Variants in AQP7 observed in about 807,000 individuals in gnomAD.
AQP7 encodes aquaporin-7.
Under a neutral mutation model 26.1 loss-of-function variants are expected in AQP7, and 22 were observed. That is an observed-to-expected ratio of 0.84 (90% CI 0.60 to 1.20). The LOEUF is 1.20. Among genes scored for constraint, AQP7 ranks in the 50% most tolerant of loss-of-function variants. The probability of loss-of-function intolerance (pLI) is 0.00; values close to 1 mark genes in which losing one functional copy is unlikely to be tolerated. For synonymous variants in AQP7, 167 were observed against 181.7 expected, an observed-to-expected ratio of 0.92 and a Z score of 0.65; for missense variants, 412 against 457.5, an observed-to-expected ratio of 0.90 and a Z score of 0.91.
intron 3 of AQP7, among the ~76,000 whole-genome samples, chr9:33,390,450 C>T (rs571803491): frequency 5.9e-4 from 89 of 150,636 alleles, no homozygotes; most frequent in Middle Eastern, 3.4e-3. Flanking sequence ...TGTCAAGCAG[C>T]AGATCAAGCC....
At chr9:33,392,042 G>A (rs553903969) in intron 3 of AQP7, among the ~76,000 whole-genome samples, 8 of 152,132 alleles carry the variant, frequency 5.3e-5, no homozygotes, top group East Asian at 1.9e-4. Flanking sequence ...GGCCGGGCAC[G>A]GTGACTCATG....
At chr9:33,399,236 C>A (rs561150226) in intron 2 of AQP7, among the ~76,000 whole-genome samples, 30 of 152,264 alleles carry the variant, frequency 2.0e-4, no homozygotes, top group African/African-American at 5.5e-4. Context: ...AACCAGCCAA[C>A]CATAAACTAT....
chr9:33,395,420 G>C (rs1825776501), intron 2 of AQP7: 3 of 547,240 alleles, frequency 5.5e-6, no homozygotes, highest in Admixed American at 3.2e-5. Flanking sequence ...CCTTCTAGTT[G>C]GGACTGGACC....
At chr9:33,386,920 T>C (rs770725050) in intron 4 of AQP7, 49 bp downstream of exon 4, 2 of 1,608,008 alleles carry the variant, frequency 1.2e-6, no homozygotes, top group Admixed American at 1.7e-5. Flanking sequence ...AAAGAGCCTG[T>C]TGGGGACACC....
At chr9:33,391,185 A>G (rs1825360123) in intron 3 of AQP7, among the ~76,000 whole-genome samples, 1 of 152,234 alleles carries the variant, frequency 6.6e-6, no homozygotes. Context: ...GCCAACTGGC[A>G]ACTCATGCAC....
intron 2 of AQP7, among the ~76,000 whole-genome samples, chr9:33,396,834 T>C (rs603378): frequency 4.0e-5 from 6 of 150,896 alleles, no homozygotes; most frequent in Non-Finnish European, 8.9e-5. Flanking sequence ...AGGCACAGTG[T>C]CTCACGCCTG....
Position 33,386,988 on chromosome 9 carries a change from G to T in AQP7, c.249C>A (p.His83Gln), listed in dbSNP as rs375803801. 94 of 1,611,844 alleles carry T rather than the reference G, an allele frequency of 5.8e-5. 1 individual carries two copies. In the East Asian group the frequency reaches 2.0e-3, roughly 34 times the overall value. The part of the protein sequence containing the change: ...GFGFGVTMGV[H>Q]VAGRISGAHM... ...ACTCACCAGAGATGCGGCCTGCCAC[G>T]TGCACTCCCATGGTGACTCCGAAGC... Residue 83 changes from histidine (H) to glutamine (Q), a missense_variant, in exon 4 of 8, where the codon CAC becomes CAA. Transcript: ENST00000297988.
Position 33,385,302 on chromosome 9 carries a change from A to T in AQP7, c.744-12T>A, listed in dbSNP as rs752561448. 5 of 1,604,846 alleles carry T rather than the reference A, an allele frequency of 3.1e-6. No homozygotes were observed. In the South Asian group the frequency reaches 5.5e-5, roughly 18 times the overall value. The stretch of plus-strand genomic sequence containing the variant: ...AGTTCTCCCCATTGCTGCAGGCAAG[A>T]GGCAGAGGCCTGCTGAGGGGGCTGA... On this transcript the variant is annotated splice_polypyrimidine_tract_variant and intron_variant, in intron 7 of 7. Transcript: ENST00000297988.
rs770503247 is a variant in AQP7 at position 33,385,721 on chromosome 9, G to T, written c.671C>A (p.Ala224Asp). ...GGGCAGGTCCCGGGACGGGTTGATG[G>T]CATATCCTGTGTTCATGCCAAGGGA... ...GVSLGMNTGY[A>D]INPSRDLPPR... Residue 224 changes from alanine (A) to aspartate (D), a missense_variant, in exon 7 of 8, where the codon GCC becomes GAC. Ala to Asp is a moderately radical substitution (Grantham distance 126, BLOSUM62 -2). Transcript: ENST00000297988. 6.2e-7 allele frequency: 1 copy of T among 1,613,818 alleles called. No individual in the cohort carries two copies. Among genetic ancestry groups the T allele is most frequent in the Non-Finnish European group, 8.5e-7 (1 of 1,180,040 alleles).
intron 2 of AQP7, among the ~76,000 whole-genome samples, chr9:33,397,626 G>C (rs1825947794): frequency 1.3e-5 from 2 of 152,106 alleles, no homozygotes. Flanking sequence ...TCCATGCCTG[G>C]ACATCTCTCA....
Position 33,384,722 on chromosome 9 carries a change from G to T in AQP7, c.*283C>A, listed in dbSNP as rs947057935. 2 of 311,522 alleles carry T rather than the reference G, an allele frequency of 6.4e-6. No homozygotes were observed. Among genetic ancestry groups the T allele is most frequent in the Non-Finnish European group, 1.2e-5 (2 of 170,190 alleles). 19.3% of individuals were successfully genotyped at this position (311,522 alleles called of 1,614,324 possible). ...CCCCAAAACCACCCTTCCTTCCCCCGTGCCTGAAAATCCCTCATTCTGTCG... is the reference window on the plus strand; with the variant it reads ...CCCCAAAACCACCCTTCCTTCCCCCTTGCCTGAAAATCCCTCATTCTGTCG... On this transcript the variant is annotated 3_prime_UTR_variant, in exon 8 of 8. Coordinates refer to ENST00000297988, the MANE Select transcript of AQP7 (RefSeq NM_001170.3).
chr9:33,402,330 G>A (rs1826354913), intron 1 of AQP7, 43 bp downstream of exon 1: 1 of 152,496 alleles, frequency 6.6e-6, no homozygotes, highest in Admixed American at 6.5e-5. Flanking sequence ...TCTGGGCGCT[G>A]AGGAGGCTGC....
rs1826241283 is a variant in AQP7, at chr9:33,401,104, G to A, written c.26+133C>T. 14 of 985,902 alleles carry A rather than the reference G, an allele frequency of 1.4e-5. No individual in the cohort carries two copies. In the South Asian group the frequency reaches 1.8e-4, roughly 13 times the overall value. 61.1% of individuals were successfully genotyped at this position (985,902 alleles called of 1,614,324 possible). On this transcript the variant is annotated intron_variant, in intron 2 of 7. Transcript: ENST00000297988. Reference sequence around the variant, plus strand: ...CTTCTGGGACCTCAGAGGCGAGTGGGTGGGTGGGGAGGAGGAGGTCGAGTG... The same window carrying A: ...CTTCTGGGACCTCAGAGGCGAGTGGATGGGTGGGGAGGAGGAGGTCGAGTG...
intron 2 of AQP7, among the ~76,000 whole-genome samples, chr9:33,396,693 AT>A (rs1374776298): frequency 6.9e-6 from 1 of 144,334 alleles, no homozygotes; most frequent in African/African-American, 2.6e-5. Context: ...CTTGACCTAA[AT>A]TTCCCTTTCT....
At position 33,386,954 on chromosome 9, in the gene AQP7, C is replaced by T; in HGVS notation, c.268+15G>A. 1 of 1,611,722 alleles carries T rather than the reference C, an allele frequency of 6.2e-7. No homozygotes were observed. Among genetic ancestry groups the T allele is most frequent in the South Asian group, 1.1e-5 (1 of 90,964 alleles). On this transcript the variant is annotated intron_variant, in intron 4 of 7. Transcript: ENST00000297988. ...CCTGGTCTTGCCCGGTCCGGCAGGG[C>T]CTGGGCTCACTCACCAGAGATGCGG...
intron 1 of AQP7, among the ~76,000 whole-genome samples, chr9:33,402,052 T>C (rs920829049): frequency 1.4e-4 from 21 of 151,824 alleles, no homozygotes; most frequent in African/African-American, 4.8e-4. Context: ...TCTTCAGCTC[T>C]CTCCTCGTCC....
intron 3 of AQP7, among the ~76,000 whole-genome samples, chr9:33,388,289 A>G (rs1825060147): frequency 6.6e-6 from 1 of 152,098 alleles, no homozygotes; most frequent in African/African-American, 2.4e-5. Context: ...CCGAGCCAGA[A>G]ACAGATGTTG....
At chr9:33,392,574 T>C (rs908663055) in intron 3 of AQP7, among the ~76,000 whole-genome samples, 1 of 152,106 alleles carries the variant, frequency 6.6e-6, no homozygotes, top group Non-Finnish European at 1.5e-5. Flanking sequence ...GTATCAAGCA[T>C]GTGGGCGGTG....
chr9:33,385,198 G>T lies in AQP7; in HGVS notation c.836C>A (p.Thr279Asn). Residue 279 changes from threonine (T) to asparagine (N), a missense_variant, in exon 8 of 8, where the codon ACC (threonine) becomes AAC (asparagine). Transcript: ENST00000297988. ...GIIYLVFIGS[T>N]IPREPLKLED... ...CAATTTCAGGGGCTCCCGTGGGATG[G>T]TGGAGCCAATGAAGACCAGGTAGAT... The T allele has an allele frequency of 6.2e-7, 1 of 1,611,922 alleles. No homozygotes were observed. Among genetic ancestry groups the T allele is most frequent in the South Asian group, 1.1e-5 (1 of 90,980 alleles).
Sources: gnomAD v4.1 joint callset for allele counts (sites outside exome capture counted in the v4.1 genomes callset) on GRCh38, gnomAD v4.1.1 for gene constraint, MANE v1.5 for transcripts, NCBI Gene and HGNC (gene_info 2026-07-23, HGNC 2026-07-21) for gene names.